Variants in GRID2 observed in about 807,000 individuals in gnomAD.
GRID2 encodes glutamate receptor ionotropic, delta-2.
GRID2 carries 33 observed loss-of-function variants against 114.8 expected under a neutral mutation model. The observed-to-expected ratio is 0.29, with a 90% CI of 0.22 to 0.38. The LOEUF is 0.38. GRID2 is among the 10% of genes least tolerant of loss of function. GRID2 has a pLI of 1.00. For synonymous variants in GRID2, 505 were observed against 449.9 expected (o/e 1.12, Z -1.55); for missense variants, 1,184 against 1,257.7 (o/e 0.94, Z 0.89).
intron 1 of GRID2, among the ~76,000 whole-genome samples, chr4:92,461,145 G>T (rs892448644): frequency 6.6e-6 from 1 of 151,572 alleles, no homozygotes; most frequent in Non-Finnish European, 1.5e-5. Flanking sequence ...AAGAATAAGT[G>T]TTTAAAGTAA....
intron 13 of GRID2, among the ~76,000 whole-genome samples, chr4:93,562,624 A>G (rs1017675867): frequency 6.6e-6 from 1 of 152,092 alleles, no homozygotes; most frequent in African/African-American, 2.4e-5. Flanking sequence ...AAGGTCATCT[A>G]GATTTTCTCC....
intron 1 of GRID2, among the ~76,000 whole-genome samples, chr4:92,568,262 G>A (rs1347383584): frequency 6.6e-6 from 1 of 152,012 alleles, no homozygotes; most frequent in African/African-American, 2.4e-5. Context: ...GGAATACTAG[G>A]ATCTGAGGTC....
intron 13 of GRID2, among the ~76,000 whole-genome samples, chr4:93,580,021 T>G (rs1444282908): frequency 6.6e-6 from 1 of 152,244 alleles, no homozygotes; most frequent in Non-Finnish European, 1.5e-5. Flanking sequence ...GGACTGAGTT[T>G]ACATCTCTGA....
intron 13 of GRID2, among the ~76,000 whole-genome samples, chr4:93,528,465 A>G (rs373822482): frequency 1.3e-3 from 197 of 149,330 alleles, no homozygotes; most frequent in African/African-American, 4.6e-3. Context: ...TTTTTTTGAT[A>G]GTAGCCATCC....
At chr4:92,767,904 G>A (rs1300854346) in intron 2 of GRID2, among the ~76,000 whole-genome samples, 8 of 148,432 alleles carry the variant, frequency 5.4e-5, no homozygotes, top group Admixed American at 4.7e-4. Context: ...CCAACATAGT[G>A]AGCCATCATC....
At chr4:93,523,634 A>G (rs1342122251) in intron 13 of GRID2, among the ~76,000 whole-genome samples, 1 of 152,146 alleles carries the variant, frequency 6.6e-6, no homozygotes, top group African/African-American at 2.4e-5. Flanking sequence ...TGTTGATAAG[A>G]TGAGTGTAGG....
At chr4:92,979,397 C>T (rs1179962889) in intron 2 of GRID2, among the ~76,000 whole-genome samples, 1 of 151,784 alleles carries the variant, frequency 6.6e-6, no homozygotes, top group Admixed American at 6.6e-5. Flanking sequence ...TTTTGATACA[C>T]AGAGCAAGGA....
intron 10 of GRID2, among the ~76,000 whole-genome samples, chr4:93,448,829 C>T (rs1391009162): frequency 8.0e-5 from 1 of 12,472 alleles, no homozygotes. Context: ...CCCTTCCCTT[C>T]CCTTCCCTTC....
At chr4:92,491,384 A>G (rs888416643) in intron 1 of GRID2, among the ~76,000 whole-genome samples, 1 of 152,124 alleles carries the variant, frequency 6.6e-6, no homozygotes, top group Admixed American at 6.6e-5. Context: ...ATCTTCTGCT[A>G]TAACTGTATA....
At chr4:93,290,356 CAG>C (rs1157021784) in intron 8 of GRID2, among the ~76,000 whole-genome samples, 1 of 151,990 alleles carries the variant, frequency 6.6e-6, no homozygotes, top group Non-Finnish European at 1.5e-5. Context: ...TGATTTTTAA[CAG>C]AGATTTCTCT....
At chr4:93,060,151 G>C (rs929825644) in intron 2 of GRID2, among the ~76,000 whole-genome samples, 1 of 152,058 alleles carries the variant, frequency 6.6e-6, no homozygotes, top group Non-Finnish European at 1.5e-5. Flanking sequence ...ACCTCCCTGC[G>C]TGTGTAATTT....
At chr4:93,264,226 C>T (rs903997057) in intron 8 of GRID2, among the ~76,000 whole-genome samples, 5 of 152,118 alleles carry the variant, frequency 3.3e-5, no homozygotes, top group African/African-American at 9.7e-5. Context: ...ATATTGAAAG[C>T]AGTTTCTCTA....
chr4:92,488,011 T>C (rs1250514463), intron 1 of GRID2, among the ~76,000 whole-genome samples: 1 of 152,204 alleles, frequency 6.6e-6, no homozygotes, highest in African/African-American at 2.4e-5. Context: ...TTGTAGAACT[T>C]CTTTTGATTC....
intron 13 of GRID2, among the ~76,000 whole-genome samples, chr4:93,602,529 G>T (rs910065191): frequency 6.6e-6 from 1 of 152,184 alleles, no homozygotes; most frequent in Non-Finnish European, 1.5e-5. Context: ...TATATCTGCT[G>T]AAGTGATCTG....
At chr4:92,526,953 TATATAG>T (rs1253181058) in intron 1 of GRID2, among the ~76,000 whole-genome samples, 1 of 152,136 alleles carries the variant, frequency 6.6e-6, no homozygotes, top group African/African-American at 2.4e-5. Context: ...AAGGAGCATC[TATATAG>T]ATATAAAATG....
At chr4:93,051,157 C>A (rs759074863) in intron 2 of GRID2, among the ~76,000 whole-genome samples, 1 of 151,674 alleles carries the variant, frequency 6.6e-6, no homozygotes, top group Non-Finnish European at 1.5e-5. Context: ...TGATCGGAGC[C>A]CAAAATTATT....
intron 2 of GRID2, among the ~76,000 whole-genome samples, chr4:92,744,944 C>T (rs1737074391): frequency 6.6e-6 from 1 of 152,022 alleles, no homozygotes; most frequent in Non-Finnish European, 1.5e-5. Flanking sequence ...TTGAGAAATC[C>T]ATCTTTGGGG....
chr4:93,025,708 A>C (rs1723821314), intron 2 of GRID2, among the ~76,000 whole-genome samples: 1 of 151,796 alleles, frequency 6.6e-6, no homozygotes, highest in Non-Finnish European at 1.5e-5. Flanking sequence ...AAACAGTGAG[A>C]AATAGGCTTT....
intron 3 of GRID2, among the ~76,000 whole-genome samples, chr4:93,097,845 C>G (rs1156554003): frequency 6.6e-6 from 1 of 151,758 alleles, no homozygotes; most frequent in Non-Finnish European, 1.5e-5. Context: ...CAAAATGAGC[C>G]ATTTTCTGGA....
Sources: allele counts gnomAD v4.1 joint callset (sites outside exome capture counted in the v4.1 genomes callset), GRCh38; gene constraint gnomAD v4.1.1; transcripts MANE v1.5; gene names NCBI Gene and HGNC (gene_info 2026-07-23, HGNC 2026-07-21).